SCAPER: variants seen among roughly 807,000 people sequenced by gnomAD.
The protein encoded by SCAPER is S phase cyclin A-associated protein in the endoplasmic reticulum.
In SCAPER, 98 loss-of-function variants were observed where a neutral mutation model predicts 182.2. That is an observed-to-expected ratio of 0.54 (90% CI 0.46 to 0.64). SCAPER has a LOEUF of 0.64. Among genes scored for constraint, SCAPER ranks in the 30% least tolerant of loss-of-function variants. The pLI is 0.00. For synonymous variants in SCAPER, 605 were observed against 564.6 expected (o/e 1.07, Z -1.01); for missense variants, 1,432 against 1,690.0 (o/e 0.85, Z 2.68).
intron 23 of SCAPER, among the ~76,000 whole-genome samples, chr15:76,514,522 A>T (rs1196610227): frequency 6.6e-6 from 1 of 152,242 alleles, no homozygotes; most frequent in Non-Finnish European, 1.5e-5. Context: ...TGGCCTTTGT[A>T]CTTGACTTTT....
At chr15:76,796,477 G>C (rs979223985) in intron 7 of SCAPER, among the ~76,000 whole-genome samples, 1 of 152,116 alleles carries the variant, frequency 6.6e-6, no homozygotes, top group African/African-American at 2.4e-5. Flanking sequence ...GCCAAGTTTG[G>C]TAACTAACAA....
intron 31 of SCAPER, chr15:76,350,599 TAC>T (rs2040478104): frequency 6.6e-6 from 1 of 152,158 alleles, no homozygotes; most frequent in South Asian, 2.1e-4. Context: ...ACTTCTCAAT[TAC>T]AGTCTGGGTA....
At position 76,726,568 on chromosome 15, in the gene SCAPER, A is replaced by G. The variant is rs182480348; in HGVS notation, c.2165+2027T>C. ...ACCCGTGTTTATAGCAGCATTATTC[A>G]CAATAGTCAAAAGGTAGAAGCAACT... On this transcript the variant is annotated intron_variant, in intron 17 of 31. Transcript: ENST00000563290. Among the ~76,000 whole-genome samples the G allele has an allele frequency of 3.2e-3, 483 of 152,120 alleles. 5 individuals are homozygous for G. The highest frequency in any genetic ancestry group is 0.011 in the African/African-American group (461 of 41,536).
chr15:76,430,258 GT>G (rs2046773664), intron 26 of SCAPER, among the ~76,000 whole-genome samples: 1 of 152,224 alleles, frequency 6.6e-6, no homozygotes, highest in East Asian at 1.9e-4. Context: ...GAAGGGAAAT[GT>G]GGGGTCAGAG....
intron 23 of SCAPER, among the ~76,000 whole-genome samples, chr15:76,556,286 T>G (rs777440114): frequency 6.6e-6 from 1 of 152,074 alleles, no homozygotes; most frequent in Admixed American, 6.6e-5. Flanking sequence ...AGAGGGAAGT[T>G]TATAGCGTTA....
At chr15:76,883,699 A>G in intron 2 of SCAPER, 113 bp downstream of exon 2, 1 of 876,006 alleles carries the variant, frequency 1.1e-6, no homozygotes, top group South Asian at 1.8e-5. Flanking sequence ...CTTTATGACA[A>G]TGTGTTCCAT....
chr15:76,553,641 AAGGGG>A lies in SCAPER; in HGVS notation c.2838+20512_2838+20516del, dbSNP rs548746322. On this transcript the variant is annotated intron_variant, in intron 23 of 31. Transcript: ENST00000563290. Reference sequence around the variant, plus strand: ...TCCAGCACAGCAGGTTCCTAAACTCAAGGGGATGGAGAACAAAGCCAAGGGCTTGG... The same window carrying A: ...TCCAGCACAGCAGGTTCCTAAACTCAATGGAGAACAAAGCCAAGGGCTTGG... Among the ~76,000 whole-genome samples, 473 of 152,210 alleles carry A rather than the reference AAGGGG, an allele frequency of 3.1e-3. 5 individuals carry two copies. Among genetic ancestry groups the A allele is most frequent in the African/African-American group, 0.011 (452 of 41,548 alleles).
At chr15:76,758,271 A>C (rs2062569364) in intron 14 of SCAPER, among the ~76,000 whole-genome samples, 1 of 152,152 alleles carries the variant, frequency 6.6e-6, no homozygotes, top group Non-Finnish European at 1.5e-5. Flanking sequence ...GCATGGTGTA[A>C]GATAAGCATC....
intron 25 of SCAPER, among the ~76,000 whole-genome samples, chr15:76,442,897 G>A (rs1343455196): frequency 6.6e-6 from 1 of 152,112 alleles, no homozygotes; most frequent in Admixed American, 6.5e-5. Context: ...TTATGAGTAT[G>A]AAGTTATTCA....
intron 25 of SCAPER, among the ~76,000 whole-genome samples, chr15:76,459,643 G>A (rs2049006816): frequency 1.3e-5 from 2 of 150,712 alleles, no homozygotes; most frequent in South Asian, 4.2e-4. Context: ...TCTTCACTCT[G>A]TTGATTGTTT....
intron 21 of SCAPER, among the ~76,000 whole-genome samples, chr15:76,636,913 GT>G (rs1392990447): frequency 1.3e-5 from 2 of 151,630 alleles, no homozygotes; most frequent in Admixed American, 1.3e-4. Context: ...TAGGATTTCT[GT>G]TTTTTTCCAT....
intron 10 of SCAPER, 89 bp from the exon 11 acceptor site, chr15:76,767,177 G>A (rs746457873): frequency 2.0e-5 from 24 of 1,185,992 alleles, no homozygotes; most frequent in Middle Eastern, 1.9e-4. Context: ...GAACTCAACA[G>A]TATACATAAA....
chr15:76,461,400 T>C (rs1432089616), intron 25 of SCAPER, among the ~76,000 whole-genome samples: 1 of 152,050 alleles, frequency 6.6e-6, no homozygotes, highest in African/African-American at 2.4e-5. Context: ...ATATCCTCTT[T>C]CTCATCCTAC....
At position 76,609,366 on chromosome 15, in the gene SCAPER, G is replaced by A. The variant is rs79893589; in HGVS notation, c.2711+12398C>T. On this transcript the variant is annotated intron_variant, in intron 22 of 31. Coordinates refer to ENST00000563290, the MANE Select transcript of SCAPER (RefSeq NM_020843.4). ...ATGCTGGGCATGGTGGCGTGTGCCT[G>A]TAGTCCTAACTACCGAGGAGGCTGA... is the stretch of plus-strand genomic sequence containing the variant. 8.3e-3 allele frequency among the ~76,000 whole-genome samples: 1,260 copies of A among 151,664 alleles called. 12 individuals are homozygous for A. The highest frequency in any genetic ancestry group is 0.029 in the African/African-American group (1,188 of 41,376).
intron 23 of SCAPER, among the ~76,000 whole-genome samples, chr15:76,559,201 A>ATTTTTT (rs58642207): frequency 7.1e-4 from 87 of 121,794 alleles, no homozygotes; most frequent in African/African-American, 3.1e-3. Context: ...CACCCAGCTA[A>ATTTTTT]TTTTTTTTTT....
chr15:76,646,938 T>C (rs1247680978), intron 21 of SCAPER, among the ~76,000 whole-genome samples: 1 of 152,224 alleles, frequency 6.6e-6, no homozygotes, highest in Non-Finnish European at 1.5e-5. Flanking sequence ...ACTACCTGTA[T>C]CATGAAACCT....
chr15:76,764,953 A>T lies in SCAPER; in HGVS notation c.1725+8T>A. The T allele has an allele frequency of 6.5e-7, 1 of 1,534,636 alleles. No individual in the cohort carries two copies. Among genetic ancestry groups the T allele is most frequent in the Non-Finnish European group, 8.9e-7 (1 of 1,128,466 alleles). ...ACTATCATAATTTCCTAAAAAATAA[A>T]AACTCACCCTTTCTAACAATTTCTG... On this transcript the variant is annotated splice_region_variant and intron_variant, in intron 14 of 31. Coordinates refer to ENST00000563290, the MANE Select transcript of SCAPER (RefSeq NM_020843.4).
intron 26 of SCAPER, among the ~76,000 whole-genome samples, chr15:76,423,469 C>T (rs979264676): frequency 2.0e-5 from 3 of 152,100 alleles, no homozygotes; most frequent in East Asian, 1.9e-4. Flanking sequence ...GGTGATATCC[C>T]GTTCATCATT....
chr15:76,705,283 T>C (rs908570587), intron 18 of SCAPER, among the ~76,000 whole-genome samples: 2 of 150,596 alleles, frequency 1.3e-5, no homozygotes, highest in African/African-American at 4.9e-5. Flanking sequence ...TCATTCTCAG[T>C]AAACTATTGC....
Sources: allele counts gnomAD v4.1 joint callset (sites outside exome capture counted in the v4.1 genomes callset), GRCh38; gene constraint gnomAD v4.1.1; transcripts MANE v1.5; gene names NCBI Gene and HGNC (gene_info 2026-07-23, HGNC 2026-07-21).